TBX19: variants seen among roughly 807,000 people sequenced by gnomAD.
The protein encoded by TBX19 is T-box transcription factor 19.
A neutral mutation model predicts 40.9 loss-of-function variants in TBX19; 33 were observed. The observed-to-expected ratio is 0.81, with a 90% CI of 0.61 to 1.08. The LOEUF (loss-of-function observed/expected upper bound fraction) is 1.08, where lower values mean the gene tolerates loss of function less well. Among genes scored for constraint, TBX19 ranks in the 50% least tolerant of loss-of-function variants. The pLI is 0.00. For missense variants in TBX19, 494 were observed against 574.0 expected, an observed-to-expected ratio of 0.86 and a Z score of 1.42; for synonymous variants, 220 against 225.0, an observed-to-expected ratio of 0.98 and a Z score of 0.20.
Position 168,281,256 on chromosome 1 carries a change from G to A in TBX19, c.166G>A (p.Glu56Lys), listed in dbSNP as rs1403421277. The A allele has an allele frequency of 2.5e-6, 4 of 1,614,152 alleles. No homozygotes were observed. The highest frequency in any genetic ancestry group is 2.2e-5 in the East Asian group (1 of 44,878). ...EDAPLWQRFK[E>K]VTNEMIVTKN... ...TGCACCTCTCTGGCAGAGATTCAAG[G>A]AAGTCACTAATGAGATGATTGTGAC... Residue 56 changes from glutamate (E) to lysine (K), a missense_variant, in exon 1 of 8, where the codon GAA (glutamate) becomes AAA (lysine). Physicochemically the swap from Glu to Lys is moderately conservative, Grantham distance 56. This residue lies in a region of TBX19 where 201 missense variants were observed against 235.2 expected (regional missense o/e 0.85). Coordinates refer to ENST00000367821, the MANE Select transcript of TBX19 (RefSeq NM_005149.3).
chr1:168,290,449 G>A (rs1028126977), intron 1 of TBX19, among the ~76,000 whole-genome samples: 1 of 152,190 alleles, frequency 6.6e-6, no homozygotes, highest in Non-Finnish European at 1.5e-5. Flanking sequence ...GAGTCCCATG[G>A]TGTACATGGG....
At chr1:168,292,851 G>C (rs987938261) in intron 2 of TBX19, among the ~76,000 whole-genome samples, 37 of 130,186 alleles carry the variant, frequency 2.8e-4, no homozygotes, top group Non-Finnish European at 3.6e-4. Flanking sequence ...GTGACAGAGC[G>C]AGACTCCGTC....
At position 168,313,309 on chromosome 1, in the gene TBX19, C is replaced by G; in HGVS notation, c.*307C>G. ...CCCTGCCTCTTATTCTCAAATCGTT[C>G]TGGAAAGCCTCACTTCCTTTTCTGT... On this transcript the variant is annotated 3_prime_UTR_variant, in exon 8 of 8. Coordinates refer to ENST00000367821, the MANE Select transcript of TBX19 (RefSeq NM_005149.3). 1 of 435,788 alleles carries G rather than the reference C, an allele frequency of 2.3e-6. No individual in the cohort carries two copies. The highest frequency in any genetic ancestry group is 4.2e-6 in the Non-Finnish European group (1 of 236,106). The allele number at this position is 435,788 out of a possible 1,614,324, so 27.0% of individuals were successfully genotyped here.
rs760817156 is a variant in TBX19, at chr1:168,302,148, A to G, written c.727+1665A>G. Among the ~76,000 whole-genome samples the G allele has an allele frequency of 5.9e-5, 9 of 152,270 alleles. No homozygotes were observed. The South Asian group carries it at 6.2e-4, about 11-fold the overall frequency. ...GCAAACTTCTTGAGGTGTGTACATT[A>G]TATGTGGCAAAGTCTGGTTCTGAGG... On this transcript the variant is annotated intron_variant, in intron 5 of 7. Coordinates refer to ENST00000367821, the MANE Select transcript of TBX19 (RefSeq NM_005149.3).
intron 4 of TBX19, 112 bp from the exon 5 acceptor site, chr1:168,300,310 G>A (rs1184114933): frequency 3.0e-6 from 3 of 997,228 alleles, no homozygotes; most frequent in South Asian, 2.7e-5. Flanking sequence ...AAGGTGTTTG[G>A]TTTTCTTATT....
In TBX19 at chr1:168,298,832, T is replaced by TTTCC. The variant is rs1558192791; in HGVS notation, c.665+1050_665+1051insCTTC. Among the ~76,000 whole-genome samples the TTTCC allele has an allele frequency of 4.7e-4, 13 of 27,870 alleles. 2 individuals are homozygous for TTTCC. The highest frequency in any genetic ancestry group is 2.7e-3 in the African/African-American group (11 of 4,048). The allele number at this position is 27,870 out of a possible 152,430, so 18.3% of individuals were successfully genotyped here. Reference sequence around the variant, plus strand: ...CTCCCTCCCTCCCTTCCTTTCTTTCTTTCTTTCTTTCTTTCTTTCTTTCTT... The same window carrying TTTCC: ...CTCCCTCCCTCCCTTCCTTTCTTTCTTTCCTTCTTTCTTTCTTTCTTTCTTTCTT... On this transcript the variant is annotated intron_variant, in intron 4 of 7. Coordinates refer to ENST00000367821, the MANE Select transcript of TBX19 (RefSeq NM_005149.3).
intron 1 of TBX19, among the ~76,000 whole-genome samples, chr1:168,286,990 G>GCATCTT (rs1648821327): frequency 6.6e-6 from 1 of 152,216 alleles, no homozygotes; most frequent in Admixed American, 6.5e-5. Flanking sequence ...ATGAGGTTAA[G>GCATCTT]CATCTTTTGA....
intron 1 of TBX19, among the ~76,000 whole-genome samples, chr1:168,284,367 C>T (rs1326874123): frequency 6.6e-6 from 1 of 152,080 alleles, no homozygotes; most frequent in Non-Finnish European, 1.5e-5. Context: ...TCATTTCAGA[C>T]TTCAGAGGTT....
At position 168,313,619 on chromosome 1, in the gene TBX19, TCTC is replaced by T. The variant is rs780261050; in HGVS notation, c.*621_*623del. On this transcript the variant is annotated 3_prime_UTR_variant, in exon 8 of 8. Transcript: ENST00000367821. ...CCATTACCAGTGGAATGAAGTCAATTCTCCTCACTATAACTGGGTGTGGTAGTT... is the reference window on the plus strand; with the variant it reads ...CCATTACCAGTGGAATGAAGTCAATTCTCACTATAACTGGGTGTGGTAGTT... The T allele has an allele frequency of 9.6e-5, 15 of 156,900 alleles. No individual in the cohort carries two copies. Among genetic ancestry groups the T allele is most frequent in the Non-Finnish European group, 1.7e-4 (12 of 70,968 alleles). The allele number at this position is 156,900 out of a possible 1,614,324, so 9.7% of individuals were successfully genotyped here.
chr1:168,311,960 G>A (rs1200904239), intron 7 of TBX19, among the ~76,000 whole-genome samples: 1 of 152,156 alleles, frequency 6.6e-6, no homozygotes, highest in Non-Finnish European at 1.5e-5. Flanking sequence ...ACCCCCCCTA[G>A]TGATTCCAAT....
chr1:168,293,120 C>T, intron 2 of TBX19, 24 bp from the exon 3 acceptor site: 1 of 1,613,136 alleles, frequency 6.2e-7, no homozygotes, highest in Non-Finnish European at 8.5e-7. Flanking sequence ...CTTTTCTCCT[C>T]TTTCTCTTCT....
At chr1:168,308,609 GAGAA>G (rs1280066645) in intron 6 of TBX19, 129 bp from the exon 7 acceptor site, 1 of 1,144,528 alleles carries the variant, frequency 8.7e-7, no homozygotes, top group South Asian at 1.3e-5. Context: ...CTATTTCCCT[GAGAA>G]AGAACTAACA....
At chr1:168,286,805 G>A (rs924411533) in intron 1 of TBX19, among the ~76,000 whole-genome samples, 2 of 152,224 alleles carry the variant, frequency 1.3e-5, no homozygotes. Flanking sequence ...AACTGCCAGA[G>A]TATTTTCCAA....
chr1:168,302,935 G>T (rs114047459), intron 5 of TBX19, among the ~76,000 whole-genome samples: 4 of 152,246 alleles, frequency 2.6e-5, no homozygotes, highest in Admixed American at 2.0e-4. Flanking sequence ...TTACATATAC[G>T]TGTAATGCCT....
chr1:168,291,125 C>T (rs746399246), intron 1 of TBX19, 35 bp from the exon 2 acceptor site: 1 of 1,613,362 alleles, frequency 6.2e-7, no homozygotes, highest in Admixed American at 1.7e-5. Flanking sequence ...CCTCTAACGT[C>T]CCTCCTGTGG....
At chr1:168,310,579 G>T (rs908978987) in intron 7 of TBX19, among the ~76,000 whole-genome samples, 1 of 151,664 alleles carries the variant, frequency 6.6e-6, no homozygotes, top group Non-Finnish European at 1.5e-5. Context: ...CACTTGAAAT[G>T]CAGCTAGTCC....
chr1:168,286,162 A>G (rs1056127770), intron 1 of TBX19, among the ~76,000 whole-genome samples: 4 of 152,256 alleles, frequency 2.6e-5, no homozygotes, highest in African/African-American at 9.6e-5. Context: ...AGAGCAATTA[A>G]TCATTCTACC....
intron 1 of TBX19, among the ~76,000 whole-genome samples, chr1:168,289,085 C>T (rs1648874622): frequency 6.6e-6 from 1 of 152,208 alleles, no homozygotes; most frequent in Admixed American, 6.5e-5. Context: ...TTTAGTACTT[C>T]AGAAGAAACA....
At chr1:168,291,095 C>T (rs1461673730) in intron 1 of TBX19, 65 bp from the exon 2 acceptor site, 4 of 1,610,318 alleles carry the variant, frequency 2.5e-6, no homozygotes, top group Non-Finnish European at 3.4e-6. Flanking sequence ...ATTGAGAGGC[C>T]CCTGGACAAG....
Sources: allele counts gnomAD v4.1 joint callset (sites outside exome capture counted in the v4.1 genomes callset), GRCh38; gene constraint gnomAD v4.1.1; regional missense constraint gnomAD v4.1.1; transcripts MANE v1.5; gene names NCBI Gene and HGNC (gene_info 2026-07-23, HGNC 2026-07-21).